The following SNRNP200 variants were observed in gnomAD, a reference collection of about 807,000 sequenced individuals.
SNRNP200 encodes U5 small nuclear ribonucleoprotein 200 kDa helicase.
A neutral mutation model predicts 255.2 loss-of-function variants in SNRNP200; 66 were observed. That is an observed-to-expected ratio of 0.26 (90% confidence interval 0.21 to 0.32). SNRNP200 has a LOEUF of 0.32. Among genes scored for constraint, SNRNP200 ranks in the 10% least tolerant of loss-of-function variants. The pLI is 1.00. For synonymous variants in SNRNP200, 939 were observed against 1,027.8 expected (o/e 0.91, Z 1.65); for missense variants, 1,585 against 2,749.8 (o/e 0.58, Z 9.47).
At position 96,283,918 on chromosome 2, in the gene SNRNP200, C is replaced by T. The variant is rs199683761; in HGVS notation, c.4479G>A (p.Ser1493=). The T allele has an allele frequency of 3.3e-5, 52 of 1,597,784 alleles. No individual in the cohort carries two copies. The highest frequency in any genetic ancestry group is 6.7e-5 in the African/African-American group (5 of 74,254). ...GGGCCACATCCTTGGCATTGGAGAG[C>T]GAAGAGCTGAGTGCCACAATGCGAA... ...RPIRIVALSS[S]LSNAKDVAHW... is the part of the protein sequence containing the mutation. The change falls in exon 32 of 45, where the codon TCG becomes TCA. Residue 1493 remains serine, a synonymous_variant. Coordinates refer to ENST00000323853, the MANE Select transcript of SNRNP200 (RefSeq NM_014014.5). The surrounding 1 kb of genome is among the most constrained non-coding windows in gnomAD (Gnocchi z 4.7).
In SNRNP200 at chr2:96,284,367, G is replaced by A; in HGVS notation, c.4383C>T (p.Gly1461=). 6.2e-7 allele frequency: 1 copy of A among 1,613,598 alleles called. No individual in the cohort carries two copies. The highest frequency in any genetic ancestry group is 8.5e-7 in the Non-Finnish European group (1 of 1,179,644). Reference sequence around the variant, plus strand: ...CAAGGTCACGCCATACCCCATTCTCGCCCCCGATAAGGTGGACCTCATCCA... The same window carrying A: ...CAAGGTCACGCCATACCCCATTCTCACCCCCGATAAGGTGGACCTCATCCA... ...FVVDEVHLIG[G]ENGPVLEVIC... Residue 1461 remains glycine (G), a synonymous_variant, in exon 31 of 45, where the codon GGC becomes GGT. Coordinates refer to ENST00000323853, the MANE Select transcript of SNRNP200 (RefSeq NM_014014.5).
chr2:96,292,346 G>C (rs961109259), intron 16 of SNRNP200, among the ~76,000 whole-genome samples: 1 of 152,206 alleles, frequency 6.6e-6, no homozygotes, highest in Non-Finnish European at 1.5e-5. Context: ...CTAGTATTTA[G>C]TGCCAAGAAA....
chr2:96,288,141 G>T (rs976582617), intron 24 of SNRNP200, among the ~76,000 whole-genome samples, 172 bp from the exon 25 acceptor site: 1 of 152,164 alleles, frequency 6.6e-6, no homozygotes, highest in Non-Finnish European at 1.5e-5. Context: ...GTAGATGCTT[G>T]CCGGATGGGG....
chr2:96,303,742 T>C (rs1376627479), intron 2 of SNRNP200, among the ~76,000 whole-genome samples: 1 of 151,922 alleles, frequency 6.6e-6, no homozygotes, highest in Non-Finnish European at 1.5e-5. Context: ...ATACAAAAAT[T>C]AGCCGGGCAC....
chr2:96,283,058 T>G lies in SNRNP200; in HGVS notation c.4915+143A>C. The G allele has an allele frequency of 7.3e-6, 8 of 1,091,660 alleles. No homozygotes were observed. The highest frequency in any genetic ancestry group is 2.4e-5 in the East Asian group (1 of 41,016). 67.6% of individuals were successfully genotyped at this position (1,091,660 alleles called of 1,614,324 possible). ...TCACGAGGTTCTTGGGAGGATCAAA[T>G]GAGTTAACAGCCAAGAGTCCTAAAC... On this transcript the variant is annotated intron_variant, in intron 34 of 44. Transcript: ENST00000323853. The surrounding 1 kb of genome is among the most constrained non-coding windows in gnomAD (Gnocchi z 4.7).
chr2:96,289,151 T>C (rs759998257), intron 22 of SNRNP200, 34 bp from the exon 23 acceptor site: 8 of 1,613,894 alleles, frequency 5.0e-6, no homozygotes, highest in Non-Finnish European at 6.8e-6. Flanking sequence ...AGGGAAAGCC[T>C]TGTGGCCGAG....
At chr2:96,301,105 A>C (rs569067749) in intron 4 of SNRNP200, 52 bp from the exon 5 acceptor site, 1 of 1,518,428 alleles carries the variant, frequency 6.6e-7, no homozygotes, top group African/African-American at 1.4e-5. Flanking sequence ...TAGTAAAACA[A>C]GGCACTCTGG....
intron 5 of SNRNP200, among the ~76,000 whole-genome samples, chr2:96,299,927 G>T (rs1574000720): frequency 6.6e-6 from 1 of 152,200 alleles, no homozygotes; most frequent in Non-Finnish European, 1.5e-5. Context: ...AAAGCAGTTT[G>T]TTGCTACTTA....
Sources: allele counts gnomAD v4.1 joint callset (sites outside exome capture counted in the v4.1 genomes callset), GRCh38; gene constraint gnomAD v4.1.1; non-coding constraint Gnocchi (gnomAD v3.1); transcripts MANE v1.5; gene names NCBI Gene and HGNC (gene_info 2026-07-23, HGNC 2026-07-21).